MAGI2: variants seen among roughly 807,000 people sequenced by gnomAD.
MAGI2 encodes membrane associated guanylate kinase, WW and PDZ domain containing 2, also known as membrane-associated guanylate kinase, WW and PDZ domain-containing protein 2.
In MAGI2, 35 loss-of-function variants were observed where a neutral mutation model predicts 133.3. That is an observed-to-expected ratio of 0.26 (90% CI 0.20 to 0.35). MAGI2 has a LOEUF of 0.35. Among genes scored for constraint, MAGI2 ranks in the 10% least tolerant of loss-of-function variants. The pLI, the probability that MAGI2 is intolerant of heterozygous loss-of-function variation, is 1.00. For missense variants in MAGI2, 1,636 were observed against 1,863.4 expected (o/e 0.88, Z 2.25); for synonymous variants, 729 against 710.6 (o/e 1.03, Z -0.41).
At chr7:79,404,963 A>G (rs1046312490) in intron 1 of MAGI2, among the ~76,000 whole-genome samples, 1 of 152,104 alleles carries the variant, frequency 6.6e-6, no homozygotes, top group African/African-American at 2.4e-5. Context: ...ATGCAGGCTC[A>G]GGTGCCGACA....
chr7:79,090,075 A>AT (rs34259103), intron 1 of MAGI2, among the ~76,000 whole-genome samples: 8 of 151,996 alleles, frequency 5.3e-5, no homozygotes. Flanking sequence ...AATCAATTGC[A>AT]TTTTCCCCTT....
rs10539344 is a variant in MAGI2 at position 79,170,137 on chromosome 7, C to CTTT, written c.302-162934_302-162932dup. On this transcript the variant is annotated intron_variant, in intron 1 of 21. Transcript: ENST00000354212. Reference sequence around the variant, plus strand: ...TCAATGGTTACTTTGAGATATTATACTTTTTTTTTTTTTTTTTTTTTTTTT... The same window carrying CTTT: ...TCAATGGTTACTTTGAGATATTATACTTTTTTTTTTTTTTTTTTTTTTTTTTTT... Among the ~76,000 whole-genome samples, 11 of 42,924 alleles carry CTTT rather than the reference C, an allele frequency of 2.6e-4. 1 individual carries two copies. The highest frequency in any genetic ancestry group is 4.4e-4 in the Admixed American group (1 of 2,286). The allele number at this position is 42,924 out of a possible 152,430, so 28.2% of individuals were successfully genotyped here. A position where few individuals can be genotyped will look rare whatever the true frequency, so the allele number is the denominator to read the frequency against.
intron 3 of MAGI2, among the ~76,000 whole-genome samples, chr7:78,586,180 A>C (rs1354259678): frequency 1.3e-5 from 2 of 152,208 alleles, no homozygotes; most frequent in Non-Finnish European, 2.9e-5. Flanking sequence ...TTGTTGCAAC[A>C]CTTGCACATC....
intron 10 of MAGI2, among the ~76,000 whole-genome samples, chr7:78,246,227 C>A (rs1791764437): frequency 6.6e-6 from 1 of 152,178 alleles, no homozygotes; most frequent in South Asian, 2.1e-4. Context: ...TGCCCAGCAT[C>A]CTGGGGAAAC....
At chr7:78,453,120 G>A (rs1337460149) in intron 6 of MAGI2, among the ~76,000 whole-genome samples, 1 of 152,068 alleles carries the variant, frequency 6.6e-6, no homozygotes, top group East Asian at 1.9e-4. Context: ...ATCTCACAAT[G>A]TCACAGCTCT....
Position 78,654,985 on chromosome 7 carries a change from A to G in MAGI2, c.419-27746T>C, listed in dbSNP as rs1045448721. 1.5e-3 allele frequency among the ~76,000 whole-genome samples: 224 copies of G among 151,640 alleles called. 1 individual carries two copies. The highest frequency in any genetic ancestry group is 5.3e-3 in the African/African-American group (220 of 41,394). ...TAGCTGCTACAAAGCCTCTAGCCACACCCATAAAAATGCTGTTTCAGGATA... is the reference window on the plus strand; with the variant it reads ...TAGCTGCTACAAAGCCTCTAGCCACGCCCATAAAAATGCTGTTTCAGGATA... On this transcript the variant is annotated intron_variant, in intron 2 of 21. Coordinates refer to ENST00000354212, the MANE Select transcript of MAGI2 (RefSeq NM_012301.4).
Position 78,349,504 on chromosome 7 carries a change from T to A in MAGI2, c.1104-3461A>T, listed in dbSNP as rs1018379141. On this transcript the variant is annotated intron_variant, in intron 7 of 21. Transcript: ENST00000354212. Reference sequence around the variant, plus strand: ...CAGTTCCTCCAACTTTCCACCTGCATGTAATTATTTTCTTAGAAAAGTTAA... The same window carrying A: ...CAGTTCCTCCAACTTTCCACCTGCAAGTAATTATTTTCTTAGAAAAGTTAA... Among the ~76,000 whole-genome samples, 11 of 152,200 alleles carry A rather than the reference T, an allele frequency of 7.2e-5. No individual in the cohort carries two copies. In the East Asian group the frequency reaches 1.9e-3, roughly 27 times the overall value.
intron 2 of MAGI2, among the ~76,000 whole-genome samples, chr7:78,706,023 G>C (rs1431788189): frequency 6.6e-6 from 1 of 152,034 alleles, no homozygotes; most frequent in Admixed American, 6.6e-5. Flanking sequence ...ATGTGATATT[G>C]AAAACCTGAA....
chr7:78,272,874 T>C (rs192126046), intron 9 of MAGI2, among the ~76,000 whole-genome samples: 15 of 152,318 alleles, frequency 9.8e-5, no homozygotes, highest in African/African-American at 3.6e-4. Flanking sequence ...AGCATACTGA[T>C]GGGTCTTGAC....
At chr7:78,782,192 G>A (rs1236574683) in intron 2 of MAGI2, among the ~76,000 whole-genome samples, 2 of 152,180 alleles carry the variant, frequency 1.3e-5, no homozygotes, top group African/African-American at 4.8e-5. Context: ...CTTGAAACAC[G>A]TCAGCTGGAG....
chr7:79,444,954 T>C (rs1038049514), intron 1 of MAGI2, among the ~76,000 whole-genome samples: 61 of 152,252 alleles, frequency 4.0e-4, no homozygotes, highest in Non-Finnish European at 6.5e-4. Context: ...ATGGTACTGG[T>C]ACCAAAACAG....
At chr7:79,404,633 A>C (rs1479243577) in intron 1 of MAGI2, among the ~76,000 whole-genome samples, 2 of 152,148 alleles carry the variant, frequency 1.3e-5, no homozygotes, top group Non-Finnish European at 2.9e-5. Context: ...ATGTTTTTCA[A>C]AAAAGCCAGA....
chr7:78,588,833 A>G (rs1803690158), intron 3 of MAGI2, among the ~76,000 whole-genome samples: 1 of 152,224 alleles, frequency 6.6e-6, no homozygotes, highest in Non-Finnish European at 1.5e-5. Flanking sequence ...ATTTACAAAC[A>G]GCTGATTAAA....
Position 78,178,001 on chromosome 7 carries a change from T to G in MAGI2, c.2403+10A>C. The G allele has an allele frequency of 9.4e-6, 15 of 1,597,306 alleles. No individual in the cohort carries two copies. Among genetic ancestry groups the G allele is most frequent in the African/African-American group, 1.3e-5 (1 of 74,578 alleles). On this transcript the variant is annotated intron_variant, in intron 14 of 21. Coordinates refer to ENST00000354212, the MANE Select transcript of MAGI2 (RefSeq NM_012301.4). The stretch of plus-strand genomic sequence containing the variant: ...GCCCCAAGCATGGAAATAAAGAAGA[T>G]TCAACTTACAGGCTGTCCAGGCTCA...
At chr7:79,046,601 A>T (rs1247526263) in intron 1 of MAGI2, among the ~76,000 whole-genome samples, 1 of 152,256 alleles carries the variant, frequency 6.6e-6, no homozygotes, top group East Asian at 1.9e-4. Flanking sequence ...ATTGTAGCCA[A>T]GGAAGCTAAA....
intron 9 of MAGI2, among the ~76,000 whole-genome samples, chr7:78,331,259 A>C (rs1307115430): frequency 6.6e-6 from 1 of 152,194 alleles, no homozygotes; most frequent in Non-Finnish European, 1.5e-5. Context: ...TTGGGTACTA[A>C]GCTCAATACC....
At chr7:79,370,027 A>T (rs1430067918) in intron 1 of MAGI2, among the ~76,000 whole-genome samples, 1 of 152,092 alleles carries the variant, frequency 6.6e-6, no homozygotes. Context: ...TAAGGCATGC[A>T]TGAATATAAA....
chr7:78,499,307 C>A (rs185601567), intron 5 of MAGI2, among the ~76,000 whole-genome samples: 24 of 152,306 alleles, frequency 1.6e-4, no homozygotes, highest in African/African-American at 5.8e-4. Context: ...ACCTTCTCTG[C>A]GGTGCCCCTT....
chr7:79,056,506 T>G (rs1813161245), intron 1 of MAGI2, among the ~76,000 whole-genome samples: 2 of 152,312 alleles, frequency 1.3e-5, no homozygotes, highest in South Asian at 4.1e-4. Flanking sequence ...CTCTTCAAGG[T>G]CATTTCTGCC....
Sources: gnomAD v4.1 joint callset for allele counts (sites outside exome capture counted in the v4.1 genomes callset) on GRCh38, gnomAD v4.1.1 for gene constraint, MANE v1.5 for transcripts, NCBI Gene and HGNC (gene_info 2026-07-23, HGNC 2026-07-21) for gene names.